Variants in FRMD4A observed in about 807,000 individuals in gnomAD.
FRMD4A encodes the protein FERM domain containing 4A.
FRMD4A carries 29 observed loss-of-function variants against 129.1 expected under a neutral mutation model. The observed-to-expected ratio is 0.22, with a 90% CI of 0.17 to 0.31. The LOEUF (loss-of-function observed/expected upper bound fraction) is 0.31, where lower values mean the gene tolerates loss of function less well. Ranked by LOEUF, FRMD4A falls within the 10% of genes least tolerant of loss-of-function variation. FRMD4A has a pLI of 1.00. For synonymous variants in FRMD4A, 634 were observed against 571.6 expected (o/e 1.11, Z -1.56); for missense variants, 1,272 against 1,375.8 (o/e 0.92, Z 1.19).
At chr10:14,187,349 G>A (rs1445232618) in intron 2 of FRMD4A, among the ~76,000 whole-genome samples, 1 of 152,206 alleles carries the variant, frequency 6.6e-6, no homozygotes, top group African/African-American at 2.4e-5. Context: ...GAGTCCCAGA[G>A]AGTTCGGTTA....
At position 13,798,186 on chromosome 10, in the gene FRMD4A, G is replaced by A. The variant is rs538037344; in HGVS notation, c.207-1598C>T. ...AGCACTTTGGGAGGCGAAGGCGAGCGGATCACTTGAGGTCTGGAGTTTGGT... is the reference window on the plus strand; with the variant it reads ...AGCACTTTGGGAGGCGAAGGCGAGCAGATCACTTGAGGTCTGGAGTTTGGT... On this transcript the variant is annotated intron_variant, in intron 4 of 24. Coordinates refer to ENST00000357447, the MANE Select transcript of FRMD4A (RefSeq NM_018027.5). 4.6e-5 allele frequency among the ~76,000 whole-genome samples: 7 copies of A among 151,134 alleles called. No homozygotes were observed. In the South Asian group the frequency reaches 1.0e-3, roughly 23 times the overall value.
At chr10:13,787,550 T>C (rs528842080) in intron 5 of FRMD4A, among the ~76,000 whole-genome samples, 1 of 152,140 alleles carries the variant, frequency 6.6e-6, no homozygotes, top group Admixed American at 6.5e-5. Context: ...AGCCTCGACC[T>C]CCTGGGATCA....
intron 2 of FRMD4A, among the ~76,000 whole-genome samples, chr10:14,165,927 G>C (rs540363580): frequency 9.2e-5 from 14 of 152,206 alleles, no homozygotes; most frequent in Non-Finnish European, 1.6e-4. Context: ...TTGATTGACA[G>C]GATCAACAGA....
At chr10:13,872,361 G>A (rs1238219534) in intron 2 of FRMD4A, among the ~76,000 whole-genome samples, 4 of 152,206 alleles carry the variant, frequency 2.6e-5, no homozygotes, top group African/African-American at 4.8e-5. Flanking sequence ...AGGGTACTTC[G>A]TTCAGACAGG....
At chr10:13,988,548 T>A (rs755992898) in intron 2 of FRMD4A, among the ~76,000 whole-genome samples, 1 of 152,198 alleles carries the variant, frequency 6.6e-6, no homozygotes, top group Non-Finnish European at 1.5e-5. Flanking sequence ...GTGGGAAAGA[T>A]AATTAATGGA....
chr10:14,012,423 G>A (rs2095685490), intron 2 of FRMD4A, among the ~76,000 whole-genome samples: 1 of 152,162 alleles, frequency 6.6e-6, no homozygotes, highest in Admixed American at 6.5e-5. Context: ...GAAAGTCAAT[G>A]GTCTTGACAT....
chr10:14,090,666 G>C (rs1411650917), intron 2 of FRMD4A, among the ~76,000 whole-genome samples: 1 of 152,124 alleles, frequency 6.6e-6, no homozygotes, highest in Non-Finnish European at 1.5e-5. Context: ...GGTACTACTT[G>C]TAATTTTCTG....
chr10:13,729,784 A>C (rs1329416034), intron 12 of FRMD4A, among the ~76,000 whole-genome samples: 2 of 152,168 alleles, frequency 1.3e-5, no homozygotes, highest in Admixed American at 6.5e-5. Context: ...TTGCACATCA[A>C]ATAAATAAGT....
chr10:13,744,261 C>T (rs1487970014), intron 9 of FRMD4A, among the ~76,000 whole-genome samples: 2 of 152,032 alleles, frequency 1.3e-5, no homozygotes, highest in Non-Finnish European at 2.9e-5. Flanking sequence ...ACTAGGCCCG[C>T]GAGGCAGAAT....
chr10:14,226,977 A>G (rs1028407149), intron 2 of FRMD4A, among the ~76,000 whole-genome samples: 23 of 152,100 alleles, frequency 1.5e-4, no homozygotes, highest in African/African-American at 5.5e-4. Context: ...ACCCTCCTAT[A>G]AAGTCAAAAT....
In FRMD4A at chr10:14,330,895, G is replaced by A. The variant is rs1843491527; in HGVS notation, c.-380C>T. On this transcript the variant is annotated 5_prime_UTR_variant, in exon 1 of 25. It introduces an in-frame stop codon into an upstream open reading frame of the 5' UTR. Coordinates refer to ENST00000357447, the MANE Select transcript of FRMD4A (RefSeq NM_018027.5). ...GTTCTGTGAGCGTTCTGATCTCCCT[G>A]GCTGTACCACATGTACGCCGCATAC... 2 of 398,578 alleles carry A rather than the reference G, an allele frequency of 5.0e-6. No individual in the cohort carries two copies. Among genetic ancestry groups the A allele is most frequent in the Non-Finnish European group, 8.8e-6 (2 of 226,122 alleles). The allele number at this position is 398,578 out of a possible 1,614,324, so 24.7% of individuals were successfully genotyped here. A position where few individuals can be genotyped will look rare whatever the true frequency, so the allele number is the denominator to read the frequency against.
chr10:13,728,950 A>G (rs2090122718), intron 12 of FRMD4A, among the ~76,000 whole-genome samples: 1 of 152,198 alleles, frequency 6.6e-6, no homozygotes, highest in Non-Finnish European at 1.5e-5. Flanking sequence ...TGATTTGAGA[A>G]GGAGGATGTC....
chr10:13,825,907 A>G (rs747546455), intron 3 of FRMD4A, among the ~76,000 whole-genome samples: 3 of 152,242 alleles, frequency 2.0e-5, no homozygotes, highest in Admixed American at 6.5e-5. Context: ...AGGGTCCTGC[A>G]ACCAATGCCC....
chr10:13,847,799 A>C (rs1477532775), intron 3 of FRMD4A, among the ~76,000 whole-genome samples: 1 of 152,258 alleles, frequency 6.6e-6, no homozygotes, highest in Non-Finnish European at 1.5e-5. Flanking sequence ...TCTAGACAGG[A>C]ACTCCTAACC....
intron 2 of FRMD4A, among the ~76,000 whole-genome samples, chr10:14,076,065 C>T (rs888611336): frequency 6.6e-6 from 1 of 152,166 alleles, no homozygotes; most frequent in Non-Finnish European, 1.5e-5. Flanking sequence ...TTCCGCTGCT[C>T]ACCTGGGCCT....
At chr10:14,279,036 G>T (rs549407516) in intron 2 of FRMD4A, among the ~76,000 whole-genome samples, 5 of 152,076 alleles carry the variant, frequency 3.3e-5, no homozygotes, top group Non-Finnish European at 1.5e-5. Context: ...ACAGTGTTGG[G>T]GCCGTTTCAG....
intron 2 of FRMD4A, among the ~76,000 whole-genome samples, chr10:14,168,238 T>G (rs1400003200): frequency 6.6e-6 from 1 of 152,070 alleles, no homozygotes; most frequent in Non-Finnish European, 1.5e-5. Flanking sequence ...GGGGTGGAAG[T>G]GGTTAATTCA....
At chr10:14,210,246 G>A (rs1490567194) in intron 2 of FRMD4A, among the ~76,000 whole-genome samples, 1 of 152,114 alleles carries the variant, frequency 6.6e-6, no homozygotes, top group African/African-American at 2.4e-5. Context: ...CCCAAGGGAG[G>A]TCTTTTGCCC....
intron 2 of FRMD4A, among the ~76,000 whole-genome samples, chr10:14,189,000 T>G (rs1842234276): frequency 6.6e-6 from 1 of 152,254 alleles, no homozygotes; most frequent in Non-Finnish European, 1.5e-5. Flanking sequence ...CTTCACTGCC[T>G]GTTTGACATT....
Sources: gnomAD v4.1 joint callset for allele counts (sites outside exome capture counted in the v4.1 genomes callset) on GRCh38, gnomAD v4.1.1 for gene constraint, MANE v1.5 for transcripts, NCBI Gene and HGNC (gene_info 2026-07-23, HGNC 2026-07-21) for gene names.